Variants in RBMS2 observed in about 807,000 individuals in gnomAD.
RBMS2 encodes RNA-binding motif, single-stranded-interacting protein 2.
A neutral mutation model predicts 58.4 loss-of-function variants in RBMS2; 38 were observed. The ratio of observed to expected loss-of-function variants is 0.65; its 90% CI spans 0.50 to 0.85. The LOEUF (loss-of-function observed/expected upper bound fraction) is 0.85. Among genes scored for constraint, RBMS2 ranks in the 40% least tolerant of loss-of-function variants. RBMS2 has a pLI of 0.00. For synonymous variants in RBMS2, 151 were observed against 180.7 expected (o/e 0.84, Z 1.32); for missense variants, 367 against 503.7 (o/e 0.73, Z 2.60).
chr12:56,526,256 G>A (rs1872617207), intron 1 of RBMS2, among the ~76,000 whole-genome samples: 2 of 151,944 alleles, frequency 1.3e-5, no homozygotes, highest in South Asian at 4.1e-4. Flanking sequence ...GCAGTGAGCC[G>A]AGATTGTGCC....
intron 5 of RBMS2, among the ~76,000 whole-genome samples, chr12:56,579,318 A>C (rs1883576825): frequency 6.6e-6 from 1 of 152,152 alleles, no homozygotes; most frequent in Non-Finnish European, 1.5e-5. Context: ...TAAAAGGCTC[A>C]ATTTAAGGAC....
intron 1 of RBMS2, among the ~76,000 whole-genome samples, chr12:56,535,964 A>G (rs565290222): frequency 5.3e-5 from 8 of 152,214 alleles, no homozygotes; most frequent in Admixed American, 2.0e-4. Flanking sequence ...TGGGAGGCCA[A>G]GGCAGGTGGG....
intron 2 of RBMS2, among the ~76,000 whole-genome samples, chr12:56,565,190 G>A (rs1236313868): frequency 2.0e-5 from 3 of 152,084 alleles, no homozygotes; most frequent in Admixed American, 2.0e-4. Flanking sequence ...AAAAAAGTCT[G>A]TATATGTTCA....
At chr12:56,522,149 C>T (rs1871823922) in intron 1 of RBMS2, 60 bp downstream of exon 1, 2 of 1,370,468 alleles carry the variant, frequency 1.5e-6, no homozygotes, top group African/African-American at 3.0e-5. Context: ...CTTGCAATGC[C>T]CTTGGTTTTT....
At chr12:56,587,859 C>A in intron 11 of RBMS2, 195 bp downstream of exon 11, 1 of 403,258 alleles carries the variant, frequency 2.5e-6, no homozygotes, top group African/African-American at 2.2e-5. Flanking sequence ...CCCCAGCCCA[C>A]CCCTTTTAAC....
intron 1 of RBMS2, among the ~76,000 whole-genome samples, chr12:56,553,765 C>T (rs992389691): frequency 6.6e-6 from 1 of 151,374 alleles, no homozygotes; most frequent in African/African-American, 2.4e-5. Flanking sequence ...CTGCATCTGA[C>T]GAAGAGTCTG....
intron 5 of RBMS2, among the ~76,000 whole-genome samples, chr12:56,575,592 T>A (rs1029257562): frequency 2.3e-4 from 35 of 151,740 alleles, no homozygotes; most frequent in Non-Finnish European, 4.3e-4. Context: ...TATTTTTTTT[T>A]AAATTAAATA....
At position 56,593,884 on chromosome 12, in the gene RBMS2, C is replaced by G. The variant is rs185528616; in HGVS notation, c.*4751C>G. Reference sequence around the variant, plus strand: ...TTTAACTAAAGAATTTGTAGAGTTGCCCAGGCCAGGAAGCCTGGTGGCTCT... The same window carrying G: ...TTTAACTAAAGAATTTGTAGAGTTGGCCAGGCCAGGAAGCCTGGTGGCTCT... On this transcript the variant is annotated 3_prime_UTR_variant, in exon 14 of 14. Coordinates refer to ENST00000262031, the MANE Select transcript of RBMS2 (RefSeq NM_002898.4). The G allele has an allele frequency of 1.2e-4, 19 of 152,416 alleles. No homozygotes were observed. Among genetic ancestry groups the G allele is most frequent in the African/African-American group, 4.6e-4 (19 of 41,566 alleles). 9.4% of individuals were successfully genotyped at this position (152,416 alleles called of 1,614,324 possible).
chr12:56,533,064 A>G (rs948502894), intron 1 of RBMS2, among the ~76,000 whole-genome samples: 1 of 151,898 alleles, frequency 6.6e-6, no homozygotes, highest in Non-Finnish European at 1.5e-5. Context: ...CCTCCTGAGT[A>G]GCTAGGATTA....
intron 1 of RBMS2, 61 bp from the exon 2 acceptor site, chr12:56,562,356 T>C: frequency 6.8e-7 from 1 of 1,464,862 alleles, no homozygotes; most frequent in Middle Eastern, 2.4e-4. Flanking sequence ...TCCAGGATCT[T>C]CCTCACTCTC....
In RBMS2 at chr12:56,589,435, C is replaced by T. The variant is rs1885141554; in HGVS notation, c.*302C>T. 1.8e-6 allele frequency: 1 copy of T among 554,026 alleles called. No individual in the cohort carries two copies. Among genetic ancestry groups the T allele is most frequent in the African/African-American group, 2.0e-5 (1 of 49,734 alleles). 34.3% of individuals were successfully genotyped at this position (554,026 alleles called of 1,614,324 possible). A position where few individuals can be genotyped will look rare whatever the true frequency, so the allele number is the denominator to read the frequency against. Reference sequence around the variant, plus strand: ...GCTTTTTGTTTTTAACTGCAACGTACTTTTCCCCTACCTTGAAGAGACATG... The same window carrying T: ...GCTTTTTGTTTTTAACTGCAACGTATTTTTCCCCTACCTTGAAGAGACATG... On this transcript the variant is annotated 3_prime_UTR_variant, in exon 14 of 14. Coordinates refer to ENST00000262031, the MANE Select transcript of RBMS2 (RefSeq NM_002898.4).
At chr12:56,567,473 GA>G (rs1881566802) in intron 2 of RBMS2, among the ~76,000 whole-genome samples, 1 of 151,712 alleles carries the variant, frequency 6.6e-6, no homozygotes, top group Non-Finnish European at 1.5e-5. Context: ...GAAGGAAGAA[GA>G]AGAAGAAGAA....
intron 1 of RBMS2, among the ~76,000 whole-genome samples, chr12:56,540,374 T>C (rs936346644): frequency 2.0e-5 from 3 of 152,088 alleles, no homozygotes; most frequent in Non-Finnish European, 2.9e-5. Context: ...TATATGTATA[T>C]ATTTATTTAT....
chr12:56,567,965 A>C (rs1357157947), intron 2 of RBMS2, among the ~76,000 whole-genome samples: 1 of 152,210 alleles, frequency 6.6e-6, no homozygotes, highest in Non-Finnish European at 1.5e-5. Flanking sequence ...CCTTGAATAT[A>C]ATAATAGCAA....
chr12:56,583,229 T>C (rs1165272703), intron 9 of RBMS2, among the ~76,000 whole-genome samples: 1 of 152,226 alleles, frequency 6.6e-6, no homozygotes, highest in South Asian at 2.1e-4. Context: ...GGTTGAATGC[T>C]ATATGGATTT....
rs71081373 is a variant in RBMS2 at position 56,530,350 on chromosome 12, CTTTTTTTT to C, written c.66+8282_66+8289del. ...CTGTCAAGAGAGAATTTTCTTTTTC[CTTTTTTTT>C]TTTTTTTTTTTTTTTTTTTTGAGGC... is the stretch of plus-strand genomic sequence containing the variant. On this transcript the variant is annotated intron_variant, in intron 1 of 13. Coordinates refer to ENST00000262031, the MANE Select transcript of RBMS2 (RefSeq NM_002898.4). Among the ~76,000 whole-genome samples, 63 of 63,786 alleles carry C rather than the reference CTTTTTTTT, an allele frequency of 9.9e-4. 1 individual carries two copies. Among genetic ancestry groups the C allele is most frequent in the Admixed American group, 3.5e-3 (13 of 3,704 alleles). The allele number at this position is 63,786 out of a possible 152,430, so 41.8% of individuals were successfully genotyped here. A position where few individuals can be genotyped will look rare whatever the true frequency, so the allele number is the denominator to read the frequency against.
chr12:56,555,003 A>G (rs1021466339), intron 1 of RBMS2, among the ~76,000 whole-genome samples: 2 of 151,916 alleles, frequency 1.3e-5, no homozygotes, highest in African/African-American at 4.8e-5. Flanking sequence ...ATCCTTGTAC[A>G]TATATATTTG....
At chr12:56,582,032 A>G (rs575833635) in intron 8 of RBMS2, 27 bp from the exon 9 acceptor site, 17 of 1,579,218 alleles carry the variant, frequency 1.1e-5, no homozygotes, top group Non-Finnish European at 3.5e-6. Flanking sequence ...CCTGTGACTC[A>G]GTACTGATTG....
chr12:56,532,581 TTTC>T (rs1385508578), intron 1 of RBMS2, among the ~76,000 whole-genome samples: 1 of 152,072 alleles, frequency 6.6e-6, no homozygotes, highest in Non-Finnish European at 1.5e-5. Context: ...AAAAAAACTT[TTTC>T]TTCTTCTTCT....
Sources: gnomAD v4.1 joint callset for allele counts (sites outside exome capture counted in the v4.1 genomes callset) on GRCh38, gnomAD v4.1.1 for gene constraint, MANE v1.5 for transcripts, NCBI Gene and HGNC (gene_info 2026-07-23, HGNC 2026-07-21) for gene names.